Variants in EHMT1 observed in about 807,000 individuals in gnomAD.
EHMT1 encodes histone-lysine N-methyltransferase EHMT1.
EHMT1 carries 15 observed loss-of-function variants against 147.2 expected under a neutral mutation model. The observed-to-expected ratio is 0.10, with a 90% CI of 0.07 to 0.16. The LOEUF is 0.16. Ranked by LOEUF, EHMT1 falls within the 10% of genes least tolerant of loss-of-function variation. The probability of loss-of-function intolerance (pLI) is 1.00; values close to 1 mark genes in which losing one functional copy is unlikely to be tolerated. For synonymous variants in EHMT1, 795 were observed against 709.6 expected, an observed-to-expected ratio of 1.12 and a Z score of -1.91; for missense variants, 1,587 against 1,772.4, an observed-to-expected ratio of 0.90 and a Z score of 1.88.
chr9:137,623,348 T>C (rs149608156), intron 1 of EHMT1, among the ~76,000 whole-genome samples: 1 of 151,848 alleles, frequency 6.6e-6, no homozygotes, highest in African/African-American at 2.4e-5. Context: ...GAACACACTC[T>C]CCGTTAGCTA....
chr9:137,660,448 A>G lies in EHMT1; in HGVS notation c.21+41399A>G, dbSNP rs1208154730. On this transcript the variant is annotated intron_variant, in intron 1 of 26. Transcript: ENST00000460843. ...CTGTCATACCGTATCCCACAGTTCAAATGTGTGGGGGTTTCTGTTTTGTTT... is the reference window on the plus strand; with the variant it reads ...CTGTCATACCGTATCCCACAGTTCAGATGTGTGGGGGTTTCTGTTTTGTTT... Among the ~76,000 whole-genome samples the G allele has an allele frequency of 2.6e-5, 4 of 151,902 alleles. No homozygotes were observed. The South Asian group carries it at 6.2e-4, about 24-fold the overall frequency.
chr9:137,815,720 G>T, intron 22 of EHMT1: 1 of 567,726 alleles, frequency 1.8e-6, no homozygotes, highest in Non-Finnish European at 3.2e-6. Flanking sequence ...GGGCCTAGGG[G>T]AGCGCTCCAG....
chr9:137,623,212 CAA>C (rs879493843), intron 1 of EHMT1, among the ~76,000 whole-genome samples: 12 of 112,620 alleles, frequency 1.1e-4, no homozygotes, highest in Admixed American at 2.8e-4. Flanking sequence ...GACTCCGTCT[CAA>C]AAAAAAAAAA....
At chr9:137,737,704 C>T (rs1405764413) in intron 4 of EHMT1, among the ~76,000 whole-genome samples, 2 of 152,176 alleles carry the variant, frequency 1.3e-5, no homozygotes, top group Non-Finnish European at 2.9e-5. Context: ...AGCTTTCTAT[C>T]TCCTTGTTTC....
At position 137,772,581 on chromosome 9, in the gene EHMT1, G is replaced by A. The variant is rs73669164; in HGVS notation, c.1648-2528G>A. Among the ~76,000 whole-genome samples, 765 of 152,332 alleles carry A rather than the reference G, an allele frequency of 5.0e-3. 6 individuals carry two copies. Among genetic ancestry groups the A allele is most frequent in the African/African-American group, 0.018 (729 of 41,568 alleles). ...TGGCCCTGATTCTTTAGCCTTCCAG[G>A]GTTCTGCCGGTGCGGACCCACCTTC... On this transcript the variant is annotated intron_variant, in intron 10 of 26. Coordinates refer to ENST00000460843, the MANE Select transcript of EHMT1 (RefSeq NM_024757.5).
At chr9:137,646,104 G>A (rs558275322) in intron 1 of EHMT1, among the ~76,000 whole-genome samples, 1 of 152,154 alleles carries the variant, frequency 6.6e-6, no homozygotes, top group Non-Finnish European at 1.5e-5. Flanking sequence ...GATGACAGGT[G>A]CCCACCACCA....
intron 7 of EHMT1, 110 bp downstream of exon 7, chr9:137,752,518 A>G: frequency 1.6e-6 from 2 of 1,280,434 alleles, no homozygotes; most frequent in African/African-American, 1.5e-5. Flanking sequence ...GCGCTCACCC[A>G]TGTGCTTGGA....
intron 1 of EHMT1, among the ~76,000 whole-genome samples, chr9:137,663,837 G>T (rs1266917703): frequency 6.6e-6 from 1 of 152,186 alleles, no homozygotes; most frequent in African/African-American, 2.4e-5. Flanking sequence ...AAGGTGGAAT[G>T]CATGTCCTTG....
At chr9:137,818,576 G>A (rs1470344352) in intron 25 of EHMT1, among the ~76,000 whole-genome samples, 1 of 133,690 alleles carries the variant, frequency 7.5e-6, no homozygotes, top group African/African-American at 3.8e-5. Flanking sequence ...TACCGAGACC[G>A]TAGAGAGGCC....
chr9:137,619,886 G>A (rs1308067221), intron 1 of EHMT1, among the ~76,000 whole-genome samples: 1 of 152,046 alleles, frequency 6.6e-6, no homozygotes, highest in East Asian at 1.9e-4. Flanking sequence ...TGGAGATGCA[G>A]AAATAGTGTG....
intron 23 of EHMT1, chr9:137,817,057 C>T (rs1013879572): frequency 1.4e-5 from 4 of 290,504 alleles, no homozygotes; most frequent in African/African-American, 2.2e-5. Flanking sequence ...GGCTCCTTGT[C>T]GGGAGCAGGC....
rs1588860976 is a variant in EHMT1 at position 137,814,379 on chromosome 9, A to T, written c.3181-52A>T. On this transcript the variant is annotated intron_variant, in intron 21 of 26. Transcript: ENST00000460843. ...AAGACGTAGTTGTGACTGGGAGGGG[A>T]AATGGAAGGCCTGTGCCTGCACGTC... The T allele has an allele frequency of 3.2e-6, 5 of 1,583,230 alleles. 1 individual carries two copies. The South Asian group carries it at 4.4e-5, about 14-fold the overall frequency.
At chr9:137,649,815 C>G (rs1246528293) in intron 1 of EHMT1, among the ~76,000 whole-genome samples, 1 of 152,224 alleles carries the variant, frequency 6.6e-6, no homozygotes, top group Admixed American at 6.5e-5. Context: ...GGATTTCACA[C>G]TTCTGGCCTC....
intron 24 of EHMT1, 76 bp from the exon 25 acceptor site, chr9:137,817,984 C>T (rs761643477): frequency 3.2e-5 from 44 of 1,373,726 alleles, no homozygotes; most frequent in East Asian, 2.1e-4. Context: ...CCTGTGGCTG[C>T]GGAGTCTGGG....
At chr9:137,743,881 A>G (rs1393947796) in intron 5 of EHMT1, 21 bp from the exon 6 acceptor site, 3 of 1,601,638 alleles carry the variant, frequency 1.9e-6, no homozygotes, top group Non-Finnish European at 2.6e-6. Flanking sequence ...GCCTTGGGGT[A>G]TACACCTGCC....
At chr9:137,704,210 G>T (rs889882450) in intron 1 of EHMT1, among the ~76,000 whole-genome samples, 13 of 152,172 alleles carry the variant, frequency 8.5e-5, no homozygotes, top group African/African-American at 3.1e-4. Context: ...TGAGATTTTG[G>T]TGGGGACACA....
rs955046217 is a variant in EHMT1, at chr9:137,791,044, C to T, written c.2505+74C>T. On this transcript the variant is annotated intron_variant, in intron 16 of 26. Coordinates refer to ENST00000460843, the MANE Select transcript of EHMT1 (RefSeq NM_024757.5). Reference sequence around the variant, plus strand: ...CTCAGAAAGCTGAGCAAGGGACATCCTTACTGACATCTCCAGGACTTGGGG... The same window carrying T: ...CTCAGAAAGCTGAGCAAGGGACATCTTTACTGACATCTCCAGGACTTGGGG... 4 of 1,612,602 alleles carry T rather than the reference C, an allele frequency of 2.5e-6. No homozygotes were observed. In the Admixed American group the frequency reaches 6.7e-5, roughly 27 times the overall value.
chr9:137,715,683 C>T, intron 2 of EHMT1: 1 of 985,416 alleles, frequency 1.0e-6, no homozygotes, highest in Non-Finnish European at 1.2e-6. Flanking sequence ...CTTGACTGCC[C>T]TGGATATGAT....
intron 1 of EHMT1, among the ~76,000 whole-genome samples, chr9:137,637,313 T>A (rs1844157334): frequency 2.0e-5 from 3 of 151,236 alleles, no homozygotes; most frequent in Admixed American, 2.0e-4. Flanking sequence ...GTAGCTGGGA[T>A]TACAGGCATG....
Sources: allele counts gnomAD v4.1 joint callset (sites outside exome capture counted in the v4.1 genomes callset), GRCh38; gene constraint gnomAD v4.1.1; transcripts MANE v1.5; gene names NCBI Gene and HGNC (gene_info 2026-07-23, HGNC 2026-07-21).